Variants in EVI5 observed in about 807,000 individuals in gnomAD.
EVI5 encodes the protein ecotropic viral integration site 5.
In EVI5, 73 loss-of-function variants were observed where a neutral mutation model predicts 112.0. The observed-to-expected ratio is 0.65, with a 90% CI of 0.54 to 0.79. The LOEUF (loss-of-function observed/expected upper bound fraction) is 0.79. Among genes scored for constraint, EVI5 ranks in the 30% least tolerant of loss-of-function variants. EVI5 has a pLI of 0.00. For missense variants in EVI5, 900 were observed against 968.8 expected, an observed-to-expected ratio of 0.93 and a Z score of 0.94; for synonymous variants, 305 against 319.9, an observed-to-expected ratio of 0.95 and a Z score of 0.50.
intron 2 of EVI5, among the ~76,000 whole-genome samples, chr1:92,721,778 G>A (rs1033036644): frequency 6.6e-6 from 1 of 152,104 alleles, no homozygotes; most frequent in African/African-American, 2.4e-5. Context: ...ATGGGAATAA[G>A]CAATTCATCT....
intron 18 of EVI5, among the ~76,000 whole-genome samples, chr1:92,604,412 C>T (rs899965321): frequency 6.6e-5 from 10 of 151,822 alleles, no homozygotes; most frequent in African/African-American, 2.4e-4. Flanking sequence ...CTTAGGCCTA[C>T]ACAGGGTCAG....
intron 1 of EVI5, among the ~76,000 whole-genome samples, chr1:92,754,212 C>T (rs542617130): frequency 6.6e-6 from 1 of 152,238 alleles, no homozygotes; most frequent in South Asian, 2.1e-4. Flanking sequence ...ATTTAATATC[C>T]CTTCTAAATT....
chr1:92,717,553 A>T (rs1343128030), intron 2 of EVI5, among the ~76,000 whole-genome samples: 1 of 152,254 alleles, frequency 6.6e-6, no homozygotes, highest in Non-Finnish European at 1.5e-5. Context: ...AGCACTAAAC[A>T]TGGAAAGGAA....
intron 15 of EVI5, 49 bp from the exon 16 acceptor site, chr1:92,624,383 A>G (rs1161352714): frequency 6.8e-7 from 1 of 1,477,588 alleles, no homozygotes. Flanking sequence ...GTATCAAAAT[A>G]AGAGCTAATA....
At chr1:92,756,934 T>C (rs938856770) in intron 1 of EVI5, 8 of 332,316 alleles carry the variant, frequency 2.4e-5, no homozygotes, top group South Asian at 2.2e-4. Context: ...ATTACCCTTG[T>C]ATTACTTCAT....
Position 92,605,332 on chromosome 1 carries a change from TGTC to T in EVI5, c.2042_2044del (p.Arg681del), listed in dbSNP as rs1650137763. On this transcript the variant is annotated inframe_deletion, in exon 18 of 20. Transcript: ENST00000684568. ...CTGGATTTCAAGCTCAGCAATGTGTTGTCGTAGTTCAGCCACAGCAGCTATGCT... is the reference window on the plus strand; with the variant it reads ...CTGGATTTCAAGCTCAGCAATGTGTTGTAGTTCAGCCACAGCAGCTATGCT... The T allele has an allele frequency of 8.1e-6, 13 of 1,612,470 alleles. No individual in the cohort carries two copies. Among genetic ancestry groups the T allele is most frequent in the African/African-American group, 4.0e-5 (3 of 74,894 alleles).
chr1:92,716,023 T>G (rs1189503950), intron 2 of EVI5, among the ~76,000 whole-genome samples: 2 of 152,112 alleles, frequency 1.3e-5, no homozygotes, highest in African/African-American at 4.8e-5. Flanking sequence ...ACTCCACCTC[T>G]GGGGGGCAAG....
intron 2 of EVI5, among the ~76,000 whole-genome samples, chr1:92,718,625 T>C (rs867033758): frequency 5.3e-5 from 8 of 151,810 alleles, no homozygotes; most frequent in African/African-American, 1.9e-4. Context: ...ACATCACAAT[T>C]AAAAGAACTA....
At position 92,781,548 on chromosome 1, in the gene EVI5, C is replaced by T. The variant is rs145639388; in HGVS notation, c.-82+3288G>A. Among the ~76,000 whole-genome samples the T allele has an allele frequency of 1.3e-4, 19 of 151,698 alleles. No homozygotes were observed. The East Asian group carries it at 3.7e-3, about 30-fold the overall frequency. ...GTAAAATAAAATTGCTATAAGACAACACAGAAAAATATGTTCATATTCTCA... is the reference window on the plus strand; with the variant it reads ...GTAAAATAAAATTGCTATAAGACAATACAGAAAAATATGTTCATATTCTCA... On this transcript the variant is annotated intron_variant, in intron 1 of 19. Transcript: ENST00000684568.
intron 18 of EVI5, among the ~76,000 whole-genome samples, chr1:92,593,867 T>C (rs1674443481): frequency 1.3e-5 from 2 of 152,286 alleles, no homozygotes; most frequent in African/African-American, 4.8e-5. Context: ...TTACAAGGGA[T>C]GTGAAGGACC....
At chr1:92,569,096 C>T (rs1669928620) in intron 18 of EVI5, among the ~76,000 whole-genome samples, 1 of 152,094 alleles carries the variant, frequency 6.6e-6, no homozygotes, top group Admixed American at 6.6e-5. Flanking sequence ...GAAATACTGG[C>T]ACTTATAATG....
At chr1:92,731,490 T>C (rs1676461973) in intron 2 of EVI5, among the ~76,000 whole-genome samples, 1 of 152,334 alleles carries the variant, frequency 6.6e-6, no homozygotes, top group East Asian at 1.9e-4. Flanking sequence ...AAGGCAATAT[T>C]GTTAGAGATT....
chr1:92,536,207 C>A (rs1663857968), intron 19 of EVI5, among the ~76,000 whole-genome samples: 1 of 152,118 alleles, frequency 6.6e-6, no homozygotes, highest in Non-Finnish European at 1.5e-5. Flanking sequence ...GGAATCTTAA[C>A]TTTGCATTAT....
chr1:92,517,288 A>G (rs1660070773), intron 19 of EVI5, among the ~76,000 whole-genome samples: 1 of 152,238 alleles, frequency 6.6e-6, no homozygotes, highest in Admixed American at 6.5e-5. Context: ...AGTAATCTAG[A>G]GATGACTCAA....
At chr1:92,528,961 T>C (rs72722484) in intron 19 of EVI5, among the ~76,000 whole-genome samples, 19,270 of 152,186 alleles carry the variant, frequency 0.13, 1,419 homozygotes, top group Middle Eastern at 0.17. Flanking sequence ...GTATCCTAAA[T>C]AAAAGTCTAA....
intron 13 of EVI5, among the ~76,000 whole-genome samples, chr1:92,649,990 CAT>C (rs1661803134): frequency 6.6e-6 from 1 of 152,164 alleles, no homozygotes; most frequent in South Asian, 2.1e-4. Flanking sequence ...ACCAACTGGC[CAT>C]AGATGTATGG....
chr1:92,783,808 CAAAAAAAAAAAAA>C (rs58484805), intron 1 of EVI5, among the ~76,000 whole-genome samples: 3 of 94,306 alleles, frequency 3.2e-5, no homozygotes, highest in Non-Finnish European at 6.4e-5. Context: ...GACTCCCTGT[CAAAAAAAAAAAAA>C]AAAAAGAAAA....
intron 19 of EVI5, among the ~76,000 whole-genome samples, chr1:92,533,621 G>A (rs1663290540): frequency 6.6e-6 from 1 of 152,160 alleles, no homozygotes; most frequent in Non-Finnish European, 1.5e-5. Context: ...TGCAAGGCTG[G>A]TTAAACATAT....
chr1:92,790,389 T>A (rs1357401295), intron 1 of EVI5, among the ~76,000 whole-genome samples: 1 of 152,156 alleles, frequency 6.6e-6, no homozygotes, highest in Non-Finnish European at 1.5e-5. Flanking sequence ...ATGTGGCTAG[T>A]GGCTACTGTC....
Sources: allele counts gnomAD v4.1 joint callset (sites outside exome capture counted in the v4.1 genomes callset), GRCh38; gene constraint gnomAD v4.1.1; transcripts MANE v1.5; gene names NCBI Gene and HGNC (gene_info 2026-07-23, HGNC 2026-07-21).